The following DOK6 variants were observed in gnomAD, a reference collection of about 807,000 sequenced individuals.
The protein encoded by DOK6 is docking protein 6, also known as downstream of tyrosine kinase 6.
Under a neutral mutation model 44.0 loss-of-function variants are expected in DOK6, and 22 were observed. That is an observed-to-expected ratio of 0.50 (90% CI 0.36 to 0.71). The LOEUF (loss-of-function observed/expected upper bound fraction) is 0.71. DOK6 is among the 30% of genes least tolerant of loss of function. The pLI is 0.00. For missense variants in DOK6, 340 were observed against 416.4 expected (o/e 0.82, Z 1.60); for synonymous variants, 166 against 145.5 (o/e 1.14, Z -1.01).
At chr18:69,420,169 G>A (rs1258864395) in intron 1 of DOK6, among the ~76,000 whole-genome samples, 3 of 151,920 alleles carry the variant, frequency 2.0e-5, no homozygotes, top group Non-Finnish European at 4.4e-5. Context: ...TTGGAGGGAA[G>A]AGAGTTTGTT....
intron 7 of DOK6, among the ~76,000 whole-genome samples, chr18:69,819,651 G>A (rs1395132042): frequency 8.5e-5 from 13 of 152,150 alleles, no homozygotes; most frequent in African/African-American, 2.9e-4. Context: ...CTTTAGACCT[G>A]TTGAACAGCA....
At position 69,846,984 on chromosome 18, in the gene DOK6, A is replaced by G. The variant is rs1982358611; in HGVS notation, c.*5601A>G. On this transcript the variant is annotated 3_prime_UTR_variant, in exon 8 of 8. Coordinates refer to ENST00000382713, the MANE Select transcript of DOK6 (RefSeq NM_152721.6). ...AAATATGTTAAAATTACTAAATAATATGAAAACCACATTATACTTGTAATT... is the reference window on the plus strand; with the variant it reads ...AAATATGTTAAAATTACTAAATAATGTGAAAACCACATTATACTTGTAATT... 6.6e-6 allele frequency: 1 copy of G among 152,212 alleles called. No individual in the cohort carries two copies. The highest frequency in any genetic ancestry group is 1.5e-5 in the Non-Finnish European group (1 of 68,038). 9.4% of individuals were successfully genotyped at this position (152,212 alleles called of 1,614,324 possible). A position where few individuals can be genotyped will look rare whatever the true frequency, so the allele number is the denominator to read the frequency against.
At chr18:69,780,783 C>T (rs925452111) in intron 7 of DOK6, among the ~76,000 whole-genome samples, 3 of 152,170 alleles carry the variant, frequency 2.0e-5, no homozygotes, top group South Asian at 2.1e-4. Context: ...AGTTACAAAA[C>T]TGAGCTGAGA....
chr18:69,458,862 C>A (rs1156830326), intron 1 of DOK6, among the ~76,000 whole-genome samples: 1 of 152,046 alleles, frequency 6.6e-6, no homozygotes, highest in South Asian at 2.1e-4. Flanking sequence ...GCAGCCAGGG[C>A]GGGTGGATCA....
chr18:69,675,997 C>G (rs189688490), intron 3 of DOK6, among the ~76,000 whole-genome samples: 1 of 152,014 alleles, frequency 6.6e-6, no homozygotes, highest in South Asian at 2.1e-4. Context: ...ATATTGGTAG[C>G]CTTGTGGTTG....
intron 4 of DOK6, among the ~76,000 whole-genome samples, chr18:69,687,923 G>C (rs1344764490): frequency 6.6e-6 from 1 of 152,080 alleles, no homozygotes; most frequent in Non-Finnish European, 1.5e-5. Flanking sequence ...GTATAATCTA[G>C]ATTGTGTACT....
chr18:69,819,697 G>C (rs919083429), intron 7 of DOK6, among the ~76,000 whole-genome samples: 1 of 152,104 alleles, frequency 6.6e-6, no homozygotes, highest in African/African-American at 2.4e-5. Flanking sequence ...ACCTTGAAAA[G>C]CATCATTTTA....
At chr18:69,531,599 G>A (rs1344004161) in intron 1 of DOK6, among the ~76,000 whole-genome samples, 3 of 151,882 alleles carry the variant, frequency 2.0e-5, no homozygotes, top group Non-Finnish European at 4.4e-5. Flanking sequence ...TACAGAACCT[G>A]TAGTTCACGA....
chr18:69,783,965 G>A (rs528732895), intron 7 of DOK6, among the ~76,000 whole-genome samples: 121 of 152,242 alleles, frequency 7.9e-4, no homozygotes, highest in Admixed American at 1.0e-3. Context: ...AGGCAGAGGC[G>A]TGTTGATCAC....
intron 1 of DOK6, among the ~76,000 whole-genome samples, chr18:69,502,932 C>T (rs1036692380): frequency 6.6e-6 from 1 of 152,036 alleles, no homozygotes; most frequent in African/African-American, 2.4e-5. Context: ...GGAGCCGTTA[C>T]ATTTATCTCT....
intron 3 of DOK6, among the ~76,000 whole-genome samples, chr18:69,649,602 C>G (rs17081439): frequency 0.12 from 17,709 of 152,012 alleles, 1,135 homozygotes; most frequent in Admixed American, 0.18. Flanking sequence ...TCTTAACAGA[C>G]TTTATAATTG....
intron 5 of DOK6, among the ~76,000 whole-genome samples, chr18:69,710,985 G>C (rs1424489790): frequency 6.6e-6 from 1 of 152,170 alleles, no homozygotes. Flanking sequence ...TCTTAGATCT[G>C]CCCTCTAGCT....
At chr18:69,409,640 T>A (rs1568248178) in intron 1 of DOK6, among the ~76,000 whole-genome samples, 1 of 152,216 alleles carries the variant, frequency 6.6e-6, no homozygotes. Context: ...ATAAACCATT[T>A]TATGTCTACA....
chr18:69,695,288 C>T (rs1260594203), intron 4 of DOK6, among the ~76,000 whole-genome samples: 1 of 152,090 alleles, frequency 6.6e-6, no homozygotes, highest in Non-Finnish European at 1.5e-5. Flanking sequence ...TTGGAGGGGG[C>T]CCAGCATTCT....
intron 7 of DOK6, among the ~76,000 whole-genome samples, chr18:69,768,067 T>C (rs576549536): frequency 1.6e-4 from 24 of 152,304 alleles, no homozygotes; most frequent in African/African-American, 4.3e-4. Context: ...CTTCCCCTAC[T>C]GAATTTTTTA....
chr18:69,797,486 C>G (rs1022107564), intron 7 of DOK6, among the ~76,000 whole-genome samples: 3 of 152,072 alleles, frequency 2.0e-5, no homozygotes, highest in Non-Finnish European at 2.9e-5. Context: ...TTTGCTAACA[C>G]AGGAAAAATA....
At chr18:69,714,156 A>C (rs1470049639) in intron 5 of DOK6, among the ~76,000 whole-genome samples, 1 of 152,182 alleles carries the variant, frequency 6.6e-6, no homozygotes, top group Admixed American at 6.5e-5. Context: ...TCTTAGCAGC[A>C]TTGCTTCTAG....
chr18:69,438,360 ACTT>A (rs930117284), intron 1 of DOK6, among the ~76,000 whole-genome samples: 6 of 152,326 alleles, frequency 3.9e-5, no homozygotes, highest in Middle Eastern at 3.4e-3. Flanking sequence ...ATAAAAAGAA[ACTT>A]CTTATTTGTT....
At chr18:69,792,367 A>G (rs1980626307) in intron 7 of DOK6, among the ~76,000 whole-genome samples, 2 of 152,094 alleles carry the variant, frequency 1.3e-5, no homozygotes, top group Non-Finnish European at 2.9e-5. Flanking sequence ...GATTATTCCA[A>G]TCCATGAACA....
Sources: allele counts gnomAD v4.1 joint callset (sites outside exome capture counted in the v4.1 genomes callset), GRCh38; gene constraint gnomAD v4.1.1; transcripts MANE v1.5; gene names NCBI Gene and HGNC (gene_info 2026-07-23, HGNC 2026-07-21).